Variants in AQP9 observed in about 807,000 individuals in gnomAD.
AQP9 encodes aquaporin 9.
A neutral mutation model predicts 23.8 loss-of-function variants in AQP9; 19 were observed. The observed-to-expected ratio is 0.80, with a 90% CI of 0.56 to 1.17. The LOEUF (loss-of-function observed/expected upper bound fraction) is 1.17. Ranked by LOEUF, AQP9 falls within the 50% of genes most tolerant of loss-of-function variation. AQP9 has a pLI of 0.00. For synonymous variants in AQP9, 153 were observed against 131.5 expected (o/e 1.16, Z -1.12); for missense variants, 413 against 362.0 (o/e 1.14, Z -1.14).
At chr15:58,182,008 G>T (rs1252389749) in intron 5 of AQP9, among the ~76,000 whole-genome samples, 1 of 152,028 alleles carries the variant, frequency 6.6e-6, no homozygotes, top group Admixed American at 6.6e-5. Flanking sequence ...AAAAAACAAG[G>T]CTACCTTGTT....
chr15:58,139,666 A>C (rs1281908406), intron 1 of AQP9, among the ~76,000 whole-genome samples: 1 of 152,236 alleles, frequency 6.6e-6, no homozygotes, highest in Non-Finnish European at 1.5e-5. Flanking sequence ...AATTTAGAAG[A>C]ATAAGCTTGG....
intron 5 of AQP9, among the ~76,000 whole-genome samples, chr15:58,180,919 A>G (rs540751585): frequency 6.6e-6 from 1 of 152,360 alleles, no homozygotes; most frequent in South Asian, 2.1e-4. Flanking sequence ...GATCTCTTGT[A>G]TCTTTCCAAT....
intron 1 of AQP9, among the ~76,000 whole-genome samples, chr15:58,157,608 G>T (rs541224198): frequency 6.6e-6 from 1 of 152,140 alleles, no homozygotes; most frequent in African/African-American, 2.4e-5. Flanking sequence ...TGTTAGGCAT[G>T]TTTAATCAGC....
At chr15:58,151,941 T>C (rs1039778817) in intron 1 of AQP9, 41 of 152,108 alleles carry the variant, frequency 2.7e-4, no homozygotes, top group African/African-American at 8.2e-4. Flanking sequence ...TTATGGGAAA[T>C]AGTTATGACA....
intron 1 of AQP9, among the ~76,000 whole-genome samples, chr15:58,147,064 A>G (rs1270359936): frequency 1.3e-5 from 2 of 152,156 alleles, no homozygotes; most frequent in African/African-American, 2.4e-5. Flanking sequence ...CGCTTGGGAG[A>G]AAAGTCCGTT....
intron 1 of AQP9, among the ~76,000 whole-genome samples, chr15:58,148,800 T>G (rs1030926850): frequency 2.6e-5 from 4 of 152,160 alleles, no homozygotes; most frequent in African/African-American, 9.7e-5. Flanking sequence ...TCACCTCTCC[T>G]TTCTGAGCTC....
chr15:58,167,368 C>T (rs974272401), intron 2 of AQP9, among the ~76,000 whole-genome samples: 4 of 152,168 alleles, frequency 2.6e-5, no homozygotes, highest in Non-Finnish European at 4.4e-5. Flanking sequence ...ACTTAGGAAG[C>T]GACTGTGGAA....
intron 1 of AQP9, among the ~76,000 whole-genome samples, chr15:58,157,532 A>G (rs1442861298): frequency 1.3e-5 from 2 of 152,190 alleles, no homozygotes; most frequent in Non-Finnish European, 2.9e-5. Flanking sequence ...ACAGAAACCC[A>G]TGTGGCTGTT....
At chr15:58,175,068 G>C (rs1262521689) in intron 4 of AQP9, 32 bp downstream of exon 4, 2 of 1,552,872 alleles carry the variant, frequency 1.3e-6, no homozygotes, top group Non-Finnish European at 1.8e-6. Flanking sequence ...ACTTAACTTT[G>C]GTGAAAAGAT....
chr15:58,169,530 G>A (rs1188587175), intron 2 of AQP9, among the ~76,000 whole-genome samples: 1 of 152,166 alleles, frequency 6.6e-6, no homozygotes, highest in Non-Finnish European at 1.5e-5. Context: ...TCTCATCGTG[G>A]CTGCAGCTAA....
intron 2 of AQP9, among the ~76,000 whole-genome samples, chr15:58,167,133 T>C (rs1898526360): frequency 6.6e-6 from 1 of 152,174 alleles, no homozygotes; most frequent in African/African-American, 2.4e-5. Context: ...AGATACCCTG[T>C]AAATAGCCCA....
chr15:58,172,773 G>A (rs1349410973), intron 2 of AQP9, among the ~76,000 whole-genome samples: 7 of 152,022 alleles, frequency 4.6e-5, no homozygotes, highest in Non-Finnish European at 1.0e-4. Flanking sequence ...AGGGATTCAA[G>A]CCTATTAAAA....
At chr15:58,157,020 G>A (rs189252999) in intron 1 of AQP9, among the ~76,000 whole-genome samples, 3 of 152,188 alleles carry the variant, frequency 2.0e-5, no homozygotes, top group African/African-American at 7.2e-5. Flanking sequence ...ATATATACGT[G>A]TGTACAAACA....
At chr15:58,182,590 G>T (rs1898917248) in intron 5 of AQP9, among the ~76,000 whole-genome samples, 1 of 152,136 alleles carries the variant, frequency 6.6e-6, no homozygotes, top group African/African-American at 2.4e-5. Context: ...CTCTAGAGAA[G>T]ACTTCAAGTC....
chr15:58,182,025 T>A (rs1468715437), intron 5 of AQP9, among the ~76,000 whole-genome samples: 4 of 151,930 alleles, frequency 2.6e-5, no homozygotes, highest in African/African-American at 9.7e-5. Context: ...TGTTCCCAGG[T>A]CCCCATGTAC....
intron 4 of AQP9, among the ~76,000 whole-genome samples, chr15:58,176,196 T>C (rs1055380872): frequency 2.0e-5 from 3 of 152,114 alleles, no homozygotes; most frequent in South Asian, 2.1e-4. Flanking sequence ...TTGAAGAGCA[T>C]TGAACAAGGA....
intron 1 of AQP9, among the ~76,000 whole-genome samples, chr15:58,160,115 A>G (rs555481367): frequency 6.6e-6 from 1 of 152,302 alleles, no homozygotes; most frequent in African/African-American, 2.4e-5. Flanking sequence ...ATTAGTTTAC[A>G]TTCCTAACAA....
At chr15:58,161,239 G>T (rs1362412065) in intron 1 of AQP9, among the ~76,000 whole-genome samples, 1 of 152,098 alleles carries the variant, frequency 6.6e-6, no homozygotes, top group Non-Finnish European at 1.5e-5. Context: ...AGGAATAACA[G>T]GTATTAATAA....
At chr15:58,142,196 G>A (rs546350736) in intron 1 of AQP9, among the ~76,000 whole-genome samples, 7 of 152,226 alleles carry the variant, frequency 4.6e-5, no homozygotes, top group East Asian at 1.9e-4. Context: ...CCAAATTCTC[G>A]TTCCTGTTTG....
Sources: gnomAD v4.1 joint callset for allele counts (sites outside exome capture counted in the v4.1 genomes callset) on GRCh38, gnomAD v4.1.1 for gene constraint, MANE v1.5 for transcripts, NCBI Gene and HGNC (gene_info 2026-07-23, HGNC 2026-07-21) for gene names.